Variants in GTF2E2 observed in about 807,000 individuals in gnomAD.
GTF2E2 encodes the protein general transcription factor IIE subunit 2, also known as transcription initiation factor IIE subunit beta.
GTF2E2 carries 21 observed loss-of-function variants against 40.5 expected under a neutral mutation model. That is an observed-to-expected ratio of 0.52 (90% CI 0.37 to 0.75). The LOEUF is 0.75. GTF2E2 is among the 30% of genes least tolerant of loss of function. GTF2E2 has a pLI of 0.00. For missense variants in GTF2E2, 298 were observed against 338.4 expected (o/e 0.88, Z 0.94); for synonymous variants, 117 against 121.6 (o/e 0.96, Z 0.25).
chr8:30,636,726 C>T (rs1055082936), intron 2 of GTF2E2, among the ~76,000 whole-genome samples: 1 of 151,992 alleles, frequency 6.6e-6, no homozygotes, highest in Non-Finnish European at 1.5e-5. Context: ...ATTAGCTGGG[C>T]ATAATGGCAC....
intron 6 of GTF2E2, among the ~76,000 whole-genome samples, chr8:30,582,493 T>G (rs1205056443): frequency 6.6e-6 from 1 of 152,202 alleles, no homozygotes; most frequent in African/African-American, 2.4e-5. Flanking sequence ...CATATTACTA[T>G]TAATTCATCA....
intron 3 of GTF2E2, among the ~76,000 whole-genome samples, chr8:30,621,711 T>TA (rs1801107723): frequency 6.6e-6 from 1 of 152,086 alleles, no homozygotes; most frequent in African/African-American, 2.4e-5. Flanking sequence ...CCTTACTGAA[T>TA]ATACCTATTA....
chr8:30,648,999 A>G (rs1027024544), intron 2 of GTF2E2, among the ~76,000 whole-genome samples: 1 of 152,240 alleles, frequency 6.6e-6, no homozygotes, highest in African/African-American at 2.4e-5. Flanking sequence ...TGTAGCCTAA[A>G]CTACAAAATG....
intron 2 of GTF2E2, among the ~76,000 whole-genome samples, chr8:30,642,107 C>T (rs1801857824): frequency 6.6e-6 from 1 of 152,102 alleles, no homozygotes; most frequent in Admixed American, 6.5e-5. Flanking sequence ...AAACAACAGG[C>T]TCTTTTAAGT....
chr8:30,612,197 T>C lies in GTF2E2; in HGVS notation c.549+102A>G, dbSNP rs76737008. The C allele has an allele frequency of 0.068, 53,603 of 789,230 alleles. 2,267 individuals are homozygous for C. The highest frequency in any genetic ancestry group is 0.11 in the South Asian group (5,756 of 52,786). The allele number at this position is 789,230 out of a possible 1,614,324, so 48.9% of individuals were successfully genotyped here. On this transcript the variant is annotated intron_variant, in intron 5 of 7. Coordinates refer to ENST00000355904, the MANE Select transcript of GTF2E2 (RefSeq NM_002095.6). ...CTCACTGTAACCCATGTGTATATAA[T>C]AGAAGCTTTAAAAACAATTGTAAAA...
chr8:30,633,897 AACC>A (rs1801510448), intron 3 of GTF2E2, among the ~76,000 whole-genome samples: 1 of 152,220 alleles, frequency 6.6e-6, no homozygotes, highest in African/African-American at 2.4e-5. Flanking sequence ...CCCAAATACA[AACC>A]ACAGAATTTA....
At chr8:30,590,045 C>G (rs1828798915) in intron 6 of GTF2E2, among the ~76,000 whole-genome samples, 1 of 152,140 alleles carries the variant, frequency 6.6e-6, no homozygotes, top group African/African-American at 2.4e-5. Context: ...ATGCTAACAC[C>G]ACCATGATAA....
intron 5 of GTF2E2, 130 bp downstream of exon 5, chr8:30,612,169 T>C (rs1585963861): frequency 1.8e-6 from 1 of 557,366 alleles, no homozygotes; most frequent in East Asian, 2.9e-5. Context: ...AACCTTCAAG[T>C]GGCTCACTGT....
chr8:30,629,690 A>G (rs1012551950), intron 3 of GTF2E2, among the ~76,000 whole-genome samples: 2 of 10,772 alleles, frequency 1.9e-4, no homozygotes, highest in Non-Finnish European at 4.2e-4. Flanking sequence ...TTCCATCTCA[A>G]AAAAAAAAAA....
chr8:30,613,472 C>T (rs1349126260), intron 4 of GTF2E2, among the ~76,000 whole-genome samples: 4 of 152,116 alleles, frequency 2.6e-5, no homozygotes. Flanking sequence ...TCTGCAGCTG[C>T]CAGCCTGACC....
intron 6 of GTF2E2, among the ~76,000 whole-genome samples, chr8:30,587,024 A>G (rs1471337621): frequency 6.6e-6 from 1 of 152,256 alleles, no homozygotes; most frequent in African/African-American, 2.4e-5. Flanking sequence ...AACAAACCAA[A>G]AAGCTGCAGC....
intron 3 of GTF2E2, 117 bp from the exon 4 acceptor site, chr8:30,614,832 T>TA (rs975739792): frequency 3.7e-5 from 23 of 623,118 alleles, no homozygotes; most frequent in Middle Eastern, 3.0e-4. Context: ...CCAGGTAGCA[T>TA]AATTATAGTG....
At chr8:30,639,711 C>A (rs1030491111) in intron 2 of GTF2E2, among the ~76,000 whole-genome samples, 1 of 151,982 alleles carries the variant, frequency 6.6e-6, no homozygotes, top group East Asian at 1.9e-4. Context: ...ACCTAAAGAG[C>A]CAGCTTCTGT....
At chr8:30,637,649 G>C (rs1169960898) in intron 2 of GTF2E2, among the ~76,000 whole-genome samples, 1 of 152,072 alleles carries the variant, frequency 6.6e-6, no homozygotes, top group African/African-American at 2.4e-5. Context: ...TCAACCTCCT[G>C]AATAGCTGGG....
intron 6 of GTF2E2, among the ~76,000 whole-genome samples, chr8:30,595,290 C>T (rs112715975): frequency 0.013 from 2,026 of 152,216 alleles, 55 homozygotes; most frequent in African/African-American, 0.045. Context: ...TCCCATAACA[C>T]GCCCTAAACA....
intron 2 of GTF2E2, among the ~76,000 whole-genome samples, chr8:30,646,677 T>G (rs1199809075): frequency 6.6e-6 from 1 of 152,160 alleles, no homozygotes; most frequent in Non-Finnish European, 1.5e-5. Flanking sequence ...ATCAACTTAA[T>G]GAATTATTAA....
At chr8:30,598,589 TGCAA>T (rs1225663942) in intron 6 of GTF2E2, among the ~76,000 whole-genome samples, 1 of 152,228 alleles carries the variant, frequency 6.6e-6, no homozygotes, top group African/African-American at 2.4e-5. Flanking sequence ...TCAATGCTGT[TGCAA>T]TATTTAAACA....
chr8:30,620,610 G>A (rs1026001722), intron 3 of GTF2E2, among the ~76,000 whole-genome samples: 10 of 151,964 alleles, frequency 6.6e-5, no homozygotes, highest in African/African-American at 2.4e-4. Context: ...TGTACAAACA[G>A]TAAGCTAAGA....
chr8:30,614,950 T>C (rs1378217045), intron 3 of GTF2E2, among the ~76,000 whole-genome samples: 2 of 151,712 alleles, frequency 1.3e-5, no homozygotes, highest in African/African-American at 4.9e-5. Flanking sequence ...CACCAAGAGC[T>C]ATATTCTTCC....
Sources: gnomAD v4.1 joint callset for allele counts (sites outside exome capture counted in the v4.1 genomes callset) on GRCh38, gnomAD v4.1.1 for gene constraint, MANE v1.5 for transcripts, NCBI Gene and HGNC (gene_info 2026-07-23, HGNC 2026-07-21) for gene names.